Variants in CDH13 observed in about 807,000 individuals in gnomAD.
CDH13 encodes the protein cadherin 13.
Under a neutral mutation model 63.8 loss-of-function variants are expected in CDH13, and 24 were observed. The ratio of observed to expected loss-of-function variants is 0.38; its 90% confidence interval spans 0.27 to 0.53. The LOEUF is 0.53. Ranked by LOEUF, CDH13 falls within the 20% of genes least tolerant of loss-of-function variation. The pLI is 0.85. For missense variants in CDH13, 1,049 were observed against 903.1 expected (o/e 1.16, Z -2.07); for synonymous variants, 503 against 355.3 (o/e 1.42, Z -4.67).
At position 83,648,872 on chromosome 16, in the gene CDH13, T is replaced by G. The variant is rs116575689; in HGVS notation, c.1102-21918T>G. On this transcript the variant is annotated intron_variant, in intron 8 of 13. Transcript: ENST00000567109. ...CCTTTCTTTGTCTCTTTTCCTAACT[T>G]TTTTGCATATGTAGCTGTGTCTTTT... 1.6e-3 allele frequency among the ~76,000 whole-genome samples: 236 copies of G among 152,228 alleles called. 1 individual carries two copies. The highest frequency in any genetic ancestry group is 5.5e-3 in the African/African-American group (227 of 41,520).
intron 5 of CDH13, among the ~76,000 whole-genome samples, chr16:83,293,432 C>T (rs531705055): frequency 2.2e-4 from 33 of 152,180 alleles, no homozygotes; most frequent in African/African-American, 7.7e-4. Flanking sequence ...CACTCAAATT[C>T]CCAGCTGTCA....
chr16:83,253,112 T>A lies in CDH13; in HGVS notation c.636+35615T>A, dbSNP rs145804285. Among the ~76,000 whole-genome samples, 314 of 152,250 alleles carry A rather than the reference T, an allele frequency of 2.1e-3. 1 individual carries two copies. The highest frequency in any genetic ancestry group is 0.018 in the Admixed American group (273 of 15,294). ...AACTCTTACTAATCTGGTGGTGGTG[T>A]CCTCCTCAAAGTAAAATAACAAGGC... On this transcript the variant is annotated intron_variant, in intron 5 of 13. Coordinates refer to ENST00000567109, the MANE Select transcript of CDH13 (RefSeq NM_001257.5).
chr16:83,221,996 AT>A (rs2039714512), intron 5 of CDH13, among the ~76,000 whole-genome samples: 1 of 152,146 alleles, frequency 6.6e-6, no homozygotes, highest in Admixed American at 6.5e-5. Flanking sequence ...TTTACTATTA[AT>A]GTTGGGGTGA....
intron 5 of CDH13, among the ~76,000 whole-genome samples, chr16:83,318,847 G>A (rs990677339): frequency 2.0e-5 from 3 of 152,070 alleles, no homozygotes; most frequent in East Asian, 1.9e-4. Flanking sequence ...GGGATTTTAT[G>A]GGCATAGTTG....
chr16:82,771,198 C>T (rs192659996), intron 1 of CDH13, among the ~76,000 whole-genome samples: 7 of 152,276 alleles, frequency 4.6e-5, no homozygotes, highest in Admixed American at 3.9e-4. Flanking sequence ...TTTAGCTCTT[C>T]CTTTGTGTTC....
At chr16:82,732,308 C>G (rs973891148) in intron 1 of CDH13, among the ~76,000 whole-genome samples, 2 of 152,094 alleles carry the variant, frequency 1.3e-5, no homozygotes, top group African/African-American at 4.8e-5. Flanking sequence ...GTTTTAGTGT[C>G]AGCTCCATCC....
At chr16:83,077,181 CTTTTCT>C (rs1362453613) in intron 3 of CDH13, among the ~76,000 whole-genome samples, 4 of 93,466 alleles carry the variant, frequency 4.3e-5, no homozygotes, top group Admixed American at 2.3e-4. Flanking sequence ...TCTTTTTTTT[CTTTTCT>C]TTTTTTTTTT....
intron 7 of CDH13, among the ~76,000 whole-genome samples, chr16:83,551,265 A>G (rs1395081658): frequency 1.3e-5 from 2 of 152,242 alleles, no homozygotes; most frequent in East Asian, 3.9e-4. Context: ...TGTTTTTAGT[A>G]GAGACAAGGT....
chr16:82,741,748 G>C (rs2033942184), intron 1 of CDH13, among the ~76,000 whole-genome samples: 1 of 152,020 alleles, frequency 6.6e-6, no homozygotes, highest in Non-Finnish European at 1.5e-5. Context: ...AAAAATTATA[G>C]ATCAATTTTT....
rs1009762144 is a variant in CDH13 at position 83,516,719 on chromosome 16, A to G, written c.960+30064A>G. On this transcript the variant is annotated intron_variant, in intron 7 of 13. Coordinates refer to ENST00000567109, the MANE Select transcript of CDH13 (RefSeq NM_001257.5). ...GGCACAGTATTTAAAATGAATATATAGTAAAAAAGCCAGCTGCCTCCCCTG... is the reference window on the plus strand; with the variant it reads ...GGCACAGTATTTAAAATGAATATATGGTAAAAAAGCCAGCTGCCTCCCCTG... Among the ~76,000 whole-genome samples the G allele has an allele frequency of 1.8e-4, 28 of 152,220 alleles. 1 individual carries two copies. Among genetic ancestry groups the G allele is most frequent in the African/African-American group, 6.3e-4 (26 of 41,458 alleles).
chr16:82,945,715 C>G (rs1008742105), intron 2 of CDH13, among the ~76,000 whole-genome samples: 5 of 152,138 alleles, frequency 3.3e-5, no homozygotes, highest in Non-Finnish European at 7.3e-5. Flanking sequence ...TCACTCTGCT[C>G]CTTCCATCTT....
chr16:83,608,051 C>CAAGTGATT (rs1489054115), intron 8 of CDH13, among the ~76,000 whole-genome samples: 1 of 151,956 alleles, frequency 6.6e-6, no homozygotes, highest in Admixed American at 6.6e-5. Context: ...AATGTGTTTG[C>CAAGTGATT]AAGTGATTAT....
intron 3 of CDH13, among the ~76,000 whole-genome samples, chr16:83,105,812 G>A (rs376717548): frequency 8.5e-5 from 13 of 152,302 alleles, no homozygotes; most frequent in African/African-American, 3.1e-4. Flanking sequence ...GTGTGTGTAT[G>A]TCTGTGTGTA....
chr16:83,448,025 G>A (rs916403975), intron 6 of CDH13, among the ~76,000 whole-genome samples: 21 of 152,150 alleles, frequency 1.4e-4, no homozygotes, highest in Admixed American at 1.4e-3. Flanking sequence ...CCTGGAGCAG[G>A]TACTTCCAAG....
intron 5 of CDH13, among the ~76,000 whole-genome samples, chr16:83,300,640 C>T (rs947463571): frequency 6.6e-6 from 1 of 152,206 alleles, no homozygotes; most frequent in Non-Finnish European, 1.5e-5. Flanking sequence ...TCTGCCCTCC[C>T]AGAACCTAGT....
intron 2 of CDH13, among the ~76,000 whole-genome samples, chr16:82,951,845 C>T (rs1430126171): frequency 6.6e-6 from 1 of 152,186 alleles, no homozygotes; most frequent in Admixed American, 6.5e-5. Context: ...CTCAGTATAT[C>T]TTCCTAAGTG....
At chr16:83,034,755 C>A (rs1916693827) in intron 3 of CDH13, among the ~76,000 whole-genome samples, 1 of 152,134 alleles carries the variant, frequency 6.6e-6, no homozygotes. Context: ...GTTCTCGGGA[C>A]CAACCCCACC....
At chr16:83,339,137 C>T (rs1178150207) in intron 5 of CDH13, among the ~76,000 whole-genome samples, 1 of 151,984 alleles carries the variant, frequency 6.6e-6, no homozygotes, top group East Asian at 1.9e-4. Flanking sequence ...AGGGGACATT[C>T]AGGAAGTGAA....
Position 83,344,957 on chromosome 16 carries a change from C to CT in CDH13, c.735dup (p.Arg246SerfsTer26). 1 of 1,613,988 alleles carries CT rather than the reference C, an allele frequency of 6.2e-7. No individual in the cohort carries two copies. Among genetic ancestry groups the CT allele is most frequent in the Non-Finnish European group, 8.5e-7 (1 of 1,179,854 alleles). Reference sequence around the variant, plus strand: ...TTGATCAGAATGACAACCGACCGATCTTTCGGGAAGGCCCCTACATCGGCC... The same window carrying CT: ...TTGATCAGAATGACAACCGACCGATCTTTTCGGGAAGGCCCCTACATCGGCC... On this transcript the variant is annotated frameshift_variant, in exon 6 of 14. Transcript: ENST00000567109. LOFTEE classifies it high-confidence loss of function.
Sources: allele counts gnomAD v4.1 joint callset (sites outside exome capture counted in the v4.1 genomes callset), GRCh38; gene constraint gnomAD v4.1.1; transcripts MANE v1.5; gene names NCBI Gene and HGNC (gene_info 2026-07-23, HGNC 2026-07-21).